The following KCNB2 variants were observed in gnomAD, a reference collection of about 807,000 sequenced individuals.
KCNB2 encodes the protein delayed rectifier potassium channel protein.
In KCNB2, 15 loss-of-function variants were observed where a neutral mutation model predicts 61.5. The ratio of observed to expected loss-of-function variants is 0.24; its 90% confidence interval spans 0.16 to 0.38. The LOEUF (loss-of-function observed/expected upper bound fraction) is 0.38, where lower values mean the gene tolerates loss of function less well. Ranked by LOEUF, KCNB2 falls within the 10% of genes least tolerant of loss-of-function variation. The probability of loss-of-function intolerance (pLI) is 1.00; values close to 1 mark genes in which losing one functional copy is unlikely to be tolerated. For missense variants in KCNB2, 828 were observed against 1,125.2 expected (o/e 0.74, Z 3.78); for synonymous variants, 457 against 446.0 (o/e 1.02, Z -0.31).
chr8:72,775,676 G>A (rs1191539440), intron 2 of KCNB2, among the ~76,000 whole-genome samples: 12 of 150,916 alleles, frequency 8.0e-5, no homozygotes, highest in Non-Finnish European at 1.3e-4. Context: ...CCCCCTTCCA[G>A]CCTTCTATTA....
At chr8:72,600,451 G>A (rs1230121317) in intron 2 of KCNB2, among the ~76,000 whole-genome samples, 10 of 152,002 alleles carry the variant, frequency 6.6e-5, no homozygotes, top group Non-Finnish European at 8.8e-5. Flanking sequence ...TGTGGGGTGC[G>A]GGGAGAGGGG....
chr8:72,597,973 A>G (rs2128982102), intron 2 of KCNB2, among the ~76,000 whole-genome samples: 1 of 152,358 alleles, frequency 6.6e-6, no homozygotes, highest in Admixed American at 6.5e-5. Flanking sequence ...CAATCCCATT[A>G]CTTGATATAT....
chr8:72,565,961 T>C (rs2128978845), intron 1 of KCNB2, among the ~76,000 whole-genome samples: 1 of 152,276 alleles, frequency 6.6e-6, no homozygotes, highest in East Asian at 1.9e-4. Context: ...TATGTTGCAA[T>C]GGTATGGTGG....
intron 2 of KCNB2, among the ~76,000 whole-genome samples, chr8:72,714,721 G>C (rs573068513): frequency 1.3e-3 from 193 of 152,244 alleles, no homozygotes; most frequent in African/African-American, 4.3e-3. Context: ...AAATTGTAAA[G>C]ACCATCAAGG....
Position 72,710,815 on chromosome 8 carries a change from C to T in KCNB2, c.579+142502C>T, listed in dbSNP as rs137967480. The stretch of plus-strand genomic sequence containing the variant: ...CTTTAGAAAGAAATTTAAATTTCAT[C>T]TTAAAATGAAAGTACAGGTTTTCCT... On this transcript the variant is annotated intron_variant, in intron 2 of 2. Transcript: ENST00000523207. 4.7e-4 allele frequency among the ~76,000 whole-genome samples: 72 copies of T among 152,302 alleles called. 1 individual carries two copies. The highest frequency in any genetic ancestry group is 1.6e-3 in the African/African-American group (68 of 41,562).
intron 2 of KCNB2, among the ~76,000 whole-genome samples, chr8:72,568,549 G>A (rs1033348484): frequency 6.6e-6 from 1 of 152,178 alleles, no homozygotes; most frequent in African/African-American, 2.4e-5. Context: ...AGGGGCCTGG[G>A]CAACAGAGGA....
rs868834253 is a variant in KCNB2, at chr8:72,666,660, T to A, written c.579+98347T>A. 4.6e-4 allele frequency among the ~76,000 whole-genome samples: 69 copies of A among 151,154 alleles called. No homozygotes were observed. The South Asian group carries it at 8.8e-3, about 19-fold the overall frequency. Reference sequence around the variant, plus strand: ...CAAATAAAAAATAAAAAGTTTTTTTTTTTTTTTTTGAGACAGAGTCTTGCT... The same window carrying A: ...CAAATAAAAAATAAAAAGTTTTTTTATTTTTTTTTGAGACAGAGTCTTGCT... On this transcript the variant is annotated intron_variant, in intron 2 of 2. Coordinates refer to ENST00000523207, the MANE Select transcript of KCNB2 (RefSeq NM_004770.3).
intron 2 of KCNB2, among the ~76,000 whole-genome samples, chr8:72,612,357 G>A (rs1356951404): frequency 1.3e-5 from 2 of 152,170 alleles, no homozygotes; most frequent in Non-Finnish European, 2.9e-5. Flanking sequence ...TTTAGTAAAT[G>A]TAAACATAAG....
At chr8:72,874,272 G>T (rs541583510) in intron 2 of KCNB2, among the ~76,000 whole-genome samples, 1 of 152,112 alleles carries the variant, frequency 6.6e-6, no homozygotes, top group Non-Finnish European at 1.5e-5. Context: ...GGACTGATCC[G>T]AATTAGTTGG....
At chr8:72,759,372 C>G (rs1039514290) in intron 2 of KCNB2, among the ~76,000 whole-genome samples, 9 of 152,014 alleles carry the variant, frequency 5.9e-5, no homozygotes, top group Non-Finnish European at 1.2e-4. Context: ...GATAAAAACC[C>G]CTGGGTAATC....
At chr8:72,684,272 C>T (rs2439336) in intron 2 of KCNB2, among the ~76,000 whole-genome samples, 2,860 of 152,278 alleles carry the variant, frequency 0.019, 50 homozygotes, top group Non-Finnish European at 0.03. Context: ...TAAGGTGTAC[C>T]GTATCTGATT....
intron 2 of KCNB2, among the ~76,000 whole-genome samples, chr8:72,650,445 A>G (rs1806195559): frequency 1.3e-5 from 2 of 152,194 alleles, no homozygotes; most frequent in African/African-American, 4.8e-5. Context: ...TTTGAGTGAG[A>G]CACTTTCAGT....
intron 1 of KCNB2, among the ~76,000 whole-genome samples, chr8:72,545,702 T>C (rs139584725): frequency 2.2e-4 from 34 of 152,240 alleles, no homozygotes; most frequent in Non-Finnish European, 4.0e-4. Context: ...TGTCTGTCAC[T>C]TTAAATCAAA....
intron 1 of KCNB2, among the ~76,000 whole-genome samples, chr8:72,538,906 A>G (rs530492490): frequency 9.8e-5 from 15 of 152,310 alleles, no homozygotes; most frequent in Non-Finnish European, 2.2e-4. Context: ...AGCAATCAAT[A>G]TATTACATTT....
chr8:72,658,844 A>G (rs1316339259), intron 2 of KCNB2, among the ~76,000 whole-genome samples: 2 of 152,212 alleles, frequency 1.3e-5, no homozygotes, highest in African/African-American at 4.8e-5. Context: ...TGTTTACAGC[A>G]TGGTTTACTG....
At chr8:72,583,485 A>T (rs914135817) in intron 2 of KCNB2, among the ~76,000 whole-genome samples, 6 of 152,096 alleles carry the variant, frequency 3.9e-5, no homozygotes, top group Non-Finnish European at 7.4e-5. Flanking sequence ...ACAAAAAAAA[A>T]CCTGTCACAT....
intron 1 of KCNB2, among the ~76,000 whole-genome samples, 190 bp downstream of exon 1, chr8:72,538,075 G>A (rs974127960): frequency 2.0e-5 from 3 of 152,086 alleles, no homozygotes; most frequent in African/African-American, 7.2e-5. Context: ...GGTGGGGAAG[G>A]CGCTCAAGTA....
chr8:72,805,387 G>C (rs750116005), intron 2 of KCNB2, among the ~76,000 whole-genome samples: 1 of 152,142 alleles, frequency 6.6e-6, no homozygotes, highest in East Asian at 1.9e-4. Flanking sequence ...AAAAGATACT[G>C]TTGCTCTCAC....
At chr8:72,686,665 C>T (rs536573116) in intron 2 of KCNB2, among the ~76,000 whole-genome samples, 5 of 152,242 alleles carry the variant, frequency 3.3e-5, no homozygotes, top group South Asian at 2.1e-4. Context: ...ATCGAGTGTT[C>T]GGTAATGACC....
Sources: gnomAD v4.1 joint callset for allele counts (sites outside exome capture counted in the v4.1 genomes callset) on GRCh38, gnomAD v4.1.1 for gene constraint, MANE v1.5 for transcripts, NCBI Gene and HGNC (gene_info 2026-07-23, HGNC 2026-07-21) for gene names.